The following SIK2 variants were observed in gnomAD, a reference collection of about 807,000 sequenced individuals.
SIK2 encodes the protein salt inducible kinase 2.
Under a neutral mutation model 103.2 loss-of-function variants are expected in SIK2, and 29 were observed. The observed-to-expected ratio is 0.28, with a 90% confidence interval of 0.21 to 0.38. The LOEUF (loss-of-function observed/expected upper bound fraction) is 0.38. Among genes scored for constraint, SIK2 ranks in the 10% least tolerant of loss-of-function variants. The pLI is 1.00. For synonymous variants in SIK2, 412 were observed against 446.1 expected (o/e 0.92, Z 0.96); for missense variants, 879 against 1,171.0 (o/e 0.75, Z 3.64).
At chr11:111,645,485 T>G (rs981450319) in intron 3 of SIK2, among the ~76,000 whole-genome samples, 5 of 152,040 alleles carry the variant, frequency 3.3e-5, no homozygotes, top group African/African-American at 7.2e-5. Context: ...AAAACTAAGG[T>G]ATGTAGTTTA....
chr11:111,725,142 C>G lies in SIK2; in HGVS notation c.*1013C>G, dbSNP rs891935110. 1.3e-5 allele frequency: 2 copies of G among 152,670 alleles called. No homozygotes were observed. Among genetic ancestry groups the G allele is most frequent in the African/African-American group, 2.4e-5 (1 of 41,466 alleles). The allele number at this position is 152,670 out of a possible 1,614,324, so 9.5% of individuals were successfully genotyped here. A position where few individuals can be genotyped will look rare whatever the true frequency, so the allele number is the denominator to read the frequency against. Reference sequence around the variant, plus strand: ...TTAAGGACATGATAAATGAACTTTTCTGTCCCATGTGAAGTGGTAGTGCGG... The same window carrying G: ...TTAAGGACATGATAAATGAACTTTTGTGTCCCATGTGAAGTGGTAGTGCGG... On this transcript the variant is annotated 3_prime_UTR_variant, in exon 15 of 15. Transcript: ENST00000304987.
chr11:111,697,034 T>A (rs1296670938), intron 4 of SIK2, among the ~76,000 whole-genome samples: 3 of 152,186 alleles, frequency 2.0e-5, no homozygotes, highest in Non-Finnish European at 4.4e-5. Context: ...CCCTGACAAT[T>A]ATTAACTTCT....
At chr11:111,707,444 T>C (rs191783788) in intron 8 of SIK2, among the ~76,000 whole-genome samples, 1 of 152,316 alleles carries the variant, frequency 6.6e-6, no homozygotes, top group East Asian at 1.9e-4. Context: ...TACCAAGCAC[T>C]CTGTGTCCTT....
chr11:111,701,362 T>C lies in SIK2; in HGVS notation c.604-90T>C, dbSNP rs1248301824. 3 of 1,486,720 alleles carry C rather than the reference T, an allele frequency of 2.0e-6. No individual in the cohort carries two copies. Among genetic ancestry groups the C allele is most frequent in the East Asian group, 4.6e-5 (2 of 43,252 alleles). 92.1% of individuals were successfully genotyped at this position (1,486,720 alleles called of 1,614,324 possible). A position where few individuals can be genotyped will look rare whatever the true frequency, so the allele number is the denominator to read the frequency against. On this transcript the variant is annotated intron_variant, in intron 5 of 14. Coordinates refer to ENST00000304987, the MANE Select transcript of SIK2 (RefSeq NM_015191.3). This position sits in a 1 kb window ranked among gnomAD's most constrained non-coding sequence, Gnocchi z 4.2. ...ATCCAGACAGGAATTTTTCAGTCCA[T>C]ATGATTTCAAGAGCCCTGGGGATGT...
rs1944027049 is a variant in SIK2, at chr11:111,727,875, G to A, written c.*3746G>A. 6.6e-6 allele frequency: 1 copy of A among 152,254 alleles called. No individual in the cohort carries two copies. The highest frequency in any genetic ancestry group is 6.5e-5 in the Admixed American group (1 of 15,282). The allele number at this position is 152,254 out of a possible 1,614,324, so 9.4% of individuals were successfully genotyped here. A position where few individuals can be genotyped will look rare whatever the true frequency, so the allele number is the denominator to read the frequency against. On this transcript the variant is annotated 3_prime_UTR_variant, in exon 15 of 15. Transcript: ENST00000304987. ...GATGCAAGGACACAGTGAGTGAGTG[G>A]CGCTCCTTTTTGGGGTCCTCCAGCC...
chr11:111,692,387 A>AAAAAAAAAAAAAC (rs1565360215), intron 4 of SIK2, among the ~76,000 whole-genome samples: 1 of 113,402 alleles, frequency 8.8e-6, no homozygotes, highest in Admixed American at 9.8e-5. Flanking sequence ...AAAAAAAAAA[A>AAAAAAAAAAAAAC]ACACAAAAAG....
In SIK2 at chr11:111,719,841, A is replaced by C; in HGVS notation, c.1333A>C (p.Ser445Arg). Reference sequence around the variant, plus strand: ...GCGGAAGGGATGCCAGTCACTGCCCAGCAACATGATGGAGACCTCCATTGA... The same window carrying C: ...GCGGAAGGGATGCCAGTCACTGCCCCGCAACATGATGGAGACCTCCATTGA... ...LVRKGCQSLP[S>R]NMMETSIDEG... The change falls in exon 10 of 15, where the codon AGC becomes CGC. Residue 445 changes from serine (S) to arginine (R), a missense_variant. By Grantham distance (110) the Ser-to-Arg change is moderately radical. Coordinates refer to ENST00000304987, the MANE Select transcript of SIK2 (RefSeq NM_015191.3). The C allele has an allele frequency of 1.2e-6, 2 of 1,614,090 alleles. No homozygotes were observed. Among genetic ancestry groups the C allele is most frequent in the Non-Finnish European group, 1.7e-6 (2 of 1,180,022 alleles).
At chr11:111,696,672 CATA>C (rs1365101696) in intron 4 of SIK2, among the ~76,000 whole-genome samples, 1 of 152,154 alleles carries the variant, frequency 6.6e-6, no homozygotes, top group African/African-American at 2.4e-5. Context: ...TGATTGTTTT[CATA>C]ATGTTTTCCA....
rs113799857 is a variant in SIK2, at chr11:111,610,894, T to C, written c.136-5349T>C. 6.5e-3 allele frequency among the ~76,000 whole-genome samples: 987 copies of C among 152,308 alleles called. 9 individuals carry two copies. Among genetic ancestry groups the C allele is most frequent in the African/African-American group, 0.022 (921 of 41,560 alleles). On this transcript the variant is annotated intron_variant, in intron 1 of 14. Transcript: ENST00000304987. ...GCAGTTTTTTGTCATCTTTTTCTAC[T>C]CATACCTTATGCTGAGACTGCACTG...
At chr11:111,643,700 A>G (rs950675273) in intron 3 of SIK2, among the ~76,000 whole-genome samples, 4 of 151,626 alleles carry the variant, frequency 2.6e-5, no homozygotes, top group East Asian at 1.9e-4. Context: ...ACTCCCAGCT[A>G]CTCAGGAGGC....
intron 1 of SIK2, among the ~76,000 whole-genome samples, chr11:111,615,153 A>G (rs1941788261): frequency 1.3e-5 from 2 of 151,372 alleles, no homozygotes; most frequent in Non-Finnish European, 2.9e-5. Context: ...AAATAAATAA[A>G]TAAAAGTTTT....
At chr11:111,614,955 G>A (rs1427475782) in intron 1 of SIK2, among the ~76,000 whole-genome samples, 1 of 150,390 alleles carries the variant, frequency 6.6e-6, no homozygotes, top group Non-Finnish European at 1.5e-5. Flanking sequence ...CCTGGCCAAC[G>A]TGGTGAAACC....
At chr11:111,631,681 C>T (rs1408529963) in intron 3 of SIK2, among the ~76,000 whole-genome samples, 1 of 152,182 alleles carries the variant, frequency 6.6e-6, no homozygotes, top group Non-Finnish European at 1.5e-5. Context: ...TGAGTCTGTG[C>T]ATAACTCCCA....
intron 4 of SIK2, among the ~76,000 whole-genome samples, chr11:111,692,265 T>C (rs1413437382): frequency 1.4e-5 from 2 of 140,272 alleles, no homozygotes; most frequent in South Asian, 2.2e-4. Flanking sequence ...GCAGGAGAAT[T>C]GCTTGAACCC....
chr11:111,666,327 T>C (rs1162126697), intron 3 of SIK2, among the ~76,000 whole-genome samples: 2 of 152,214 alleles, frequency 1.3e-5, no homozygotes. Context: ...TGTTATTTCC[T>C]GACCTGTTAT....
chr11:111,667,487 TC>T (rs1360693714), intron 3 of SIK2, among the ~76,000 whole-genome samples: 12 of 135,978 alleles, frequency 8.8e-5, no homozygotes, highest in Non-Finnish European at 1.3e-4. Flanking sequence ...TTGTTGGTTA[TC>T]TTTTTTTTTT....
At position 111,704,968 on chromosome 11, in the gene SIK2, C is replaced by A; in HGVS notation, c.949-19C>A. The A allele has an allele frequency of 6.3e-7, 1 of 1,590,208 alleles. No homozygotes were observed. Among genetic ancestry groups the A allele is most frequent in the South Asian group, 1.2e-5 (1 of 86,162 alleles). ...GGTCTTTACAGTTCTTTGCCTTTAC[C>A]ACTTGTTTTTTATTTCAGTCTTTGC... On this transcript the variant is annotated intron_variant, in intron 7 of 14. Coordinates refer to ENST00000304987, the MANE Select transcript of SIK2 (RefSeq NM_015191.3).
Position 111,703,438 on chromosome 11 carries a change from G to C in SIK2, c.948+15G>C. 1 of 1,611,480 alleles carries C rather than the reference G, an allele frequency of 6.2e-7. No individual in the cohort carries two copies. The highest frequency in any genetic ancestry group is 2.2e-5 in the East Asian group (1 of 44,858). On this transcript the variant is annotated intron_variant, in intron 7 of 14. Transcript: ENST00000304987. ...AAACCATTGAGGTAAAGTGATCAGAGATTTCGGGGTTCTACTGCACTTAGC... is the reference window on the plus strand; with the variant it reads ...AAACCATTGAGGTAAAGTGATCAGACATTTCGGGGTTCTACTGCACTTAGC...
intron 9 of SIK2, chr11:111,718,844 C>CG (rs1263564807): frequency 1.3e-5 from 2 of 152,174 alleles, no homozygotes; most frequent in Non-Finnish European, 2.9e-5. Context: ...TTGATTTCCA[C>CG]GGGGGAATAG....
Sources: gnomAD v4.1 joint callset for allele counts (sites outside exome capture counted in the v4.1 genomes callset) on GRCh38, gnomAD v4.1.1 for gene constraint, Gnocchi (gnomAD v3.1) non-coding constraint, MANE v1.5 for transcripts, NCBI Gene and HGNC (gene_info 2026-07-23, HGNC 2026-07-21) for gene names.